Variants in NOS3 observed in about 807,000 individuals in gnomAD.
NOS3 encodes the protein NOS type III.
Under a neutral mutation model 144.9 loss-of-function variants are expected in NOS3, and 98 were observed. That is an observed-to-expected ratio of 0.68 (90% CI 0.57 to 0.80). The LOEUF is 0.80. Ranked by LOEUF, NOS3 falls within the 30% of genes least tolerant of loss-of-function variation. The pLI, the probability that NOS3 is intolerant of heterozygous loss-of-function variation, is 0.00. For synonymous variants in NOS3, 714 were observed against 702.4 expected, an observed-to-expected ratio of 1.02 and a Z score of -0.26; for missense variants, 1,465 against 1,656.4, an observed-to-expected ratio of 0.88 and a Z score of 2.01.
chr7:151,001,805 C>T lies in NOS3; in HGVS notation c.1503-16C>T. ...TCTGTGCACCCAGGACACCCTCACACCTTCCTCTCCCGCAGCGCCGTGAAG... is the reference window on the plus strand; with the variant it reads ...TCTGTGCACCCAGGACACCCTCACATCTTCCTCTCCCGCAGCGCCGTGAAG... On this transcript the variant is annotated splice_polypyrimidine_tract_variant and intron_variant, in intron 12 of 26. Transcript: ENST00000297494. The T allele has an allele frequency of 4.3e-6, 7 of 1,613,556 alleles. No individual in the cohort carries two copies. Among genetic ancestry groups the T allele is most frequent in the African/African-American group, 1.3e-5 (1 of 75,070 alleles).
At chr7:151,011,627 A>C (rs3918205) in intron 23 of NOS3, among the ~76,000 whole-genome samples, 1 of 149,976 alleles carries the variant, frequency 6.7e-6, no homozygotes, top group Non-Finnish European at 1.5e-5. Context: ...AAAAAAAAAA[A>C]ATATTCTCCT....
At chr7:151,005,046 C>T (rs1254779475) in intron 14 of NOS3, among the ~76,000 whole-genome samples, 2 of 152,020 alleles carry the variant, frequency 1.3e-5, no homozygotes, top group African/African-American at 4.8e-5. Flanking sequence ...TTAGTAGAGA[C>T]GCGGTTTCAC....
rs533251778 is a variant in NOS3, at chr7:151,012,380, C to A, written c.3014C>A (p.Pro1005His). The A allele has an allele frequency of 1.3e-6, 2 of 1,587,122 alleles. No individual in the cohort carries two copies. The highest frequency in any genetic ancestry group is 2.3e-5 in the East Asian group (1 of 44,138). Reference protein sequence around the residue: ...GAPSFRLPPDPSLPCILVGPG... With the variant: ...GAPSFRLPPDHSLPCILVGPG... The stretch of plus-strand genomic sequence containing the variant: ...CCCTCCTTCCGGCTGCCACCCGATC[C>A]CAGCTTGCCCTGCATCCTGGTGGGT... Residue 1005 changes from proline (P) to histidine (H), a missense_variant, in exon 24 of 27, where the codon CCC becomes CAC. Physicochemically the swap from Pro to His is moderately conservative, Grantham distance 77 (BLOSUM62 -2). Transcript: ENST00000297494.
In NOS3 at chr7:151,014,040, G is replaced by A. The variant is rs139120796; in HGVS notation, c.3483G>A (p.Gly1161=). The change falls in exon 27 of 27, where the codon GGG becomes GGA. Residue 1161 remains glycine (G), a synonymous_variant. Transcript: ENST00000297494. ...DQQRYHEDIF[G]LTLRTQEVTS... ...AACGCTACCACGAAGACATTTTCGG[G>A]CTCACGCTGCGCACCCAGGAGGTGA... 2.0e-5 allele frequency: 33 copies of A among 1,613,416 alleles called. No homozygotes were observed. The African/African-American group carries it at 4.3e-4, about 21-fold the overall frequency.
chr7:151,001,438 A>G lies in NOS3; in HGVS notation c.1428+13A>G, dbSNP rs1334152833. ...CTTCCGCTACCAGGTGCCCACCCTA[A>G]CTGGCTCTGCCAGCCTGGGCCCAGC... On this transcript the variant is annotated intron_variant, in intron 11 of 26. Transcript: ENST00000297494. The G allele has an allele frequency of 6.3e-7, 1 of 1,586,958 alleles. No homozygotes were observed. Among genetic ancestry groups the G allele is most frequent in the African/African-American group, 1.3e-5 (1 of 74,232 alleles).
At position 151,002,325 on chromosome 7, in the gene NOS3, G is replaced by A. The variant is rs1201906944; in HGVS notation, c.1752+21G>A. ...GAGAGGTGAGAACTTCCAGGAAAGG[G>A]GCTGCTGGGAATGAGGAGAGACTCA... On this transcript the variant is annotated intron_variant, in intron 14 of 26. Coordinates refer to ENST00000297494, the MANE Select transcript of NOS3 (RefSeq NM_000603.5). This position sits in a 1 kb window ranked among gnomAD's most constrained non-coding sequence, Gnocchi z 4.1. 2 of 1,390,638 alleles carry A rather than the reference G, an allele frequency of 1.4e-6. No individual in the cohort carries two copies. Among genetic ancestry groups the A allele is most frequent in the Admixed American group, 3.8e-5 (2 of 52,304 alleles). The allele number at this position is 1,390,638 out of a possible 1,614,324, so 86.1% of individuals were successfully genotyped here.
chr7:151,001,426 G>A lies in NOS3; in HGVS notation c.1428+1G>A. On this transcript the variant is annotated splice_donor_variant, in intron 11 of 26. Transcript: ENST00000297494. LOFTEE classifies it high-confidence loss of function. ...CCTGTCCCCGGCCTTCCGCTACCAG[G>A]TGCCCACCCTAACTGGCTCTGCCAG... 1.3e-6 allele frequency: 2 copies of A among 1,586,368 alleles called. No homozygotes were observed. Among genetic ancestry groups the A allele is most frequent in the African/African-American group, 1.3e-5 (1 of 74,418 alleles).
At chr7:151,013,693 CAG>C in intron 25 of NOS3, 29 bp from the exon 26 acceptor site, 2 of 1,525,690 alleles carry the variant, frequency 1.3e-6, no homozygotes, top group Non-Finnish European at 1.8e-6. Context: ...CCACCCCCAC[CAG>C]GGCCCGCCCT....
intron 17 of NOS3, among the ~76,000 whole-genome samples, chr7:151,008,655 C>G (rs564522740): frequency 3.2e-4 from 49 of 152,308 alleles, no homozygotes; most frequent in African/African-American, 1.2e-3. Context: ...CTACCGTGTG[C>G]CAAGCACTAT....
At chr7:151,004,747 C>T (rs1171469330) in intron 14 of NOS3, among the ~76,000 whole-genome samples, 5 of 152,182 alleles carry the variant, frequency 3.3e-5, no homozygotes, top group South Asian at 2.1e-4. Flanking sequence ...AACTAATCCA[C>T]GGAGTTAGAA....
intron 17 of NOS3, among the ~76,000 whole-genome samples, chr7:151,007,880 G>T (rs1795230586): frequency 6.6e-6 from 1 of 151,848 alleles, no homozygotes; most frequent in South Asian, 2.1e-4. Context: ...GGTCTCCCCA[G>T]TGCCACACTG....
chr7:151,013,851 A>AGC lies in NOS3; in HGVS notation c.3386_3387dup (p.Ile1130AlafsTer41). 6.2e-7 allele frequency: 1 copy of AGC among 1,605,596 alleles called. No individual in the cohort carries two copies. The highest frequency in any genetic ancestry group is 8.5e-7 in the Non-Finnish European group (1 of 1,176,692). On this transcript the variant is annotated frameshift_variant, in exon 26 of 27. Coordinates refer to ENST00000297494, the MANE Select transcript of NOS3 (RefSeq NM_000603.5). LOFTEE classifies it high-confidence loss of function. ...GCAACCAACGTCCTGCAGACCGTGC[A>AGC]GCGCATCCTGGCGACGGAGGGCGAC...
chr7:151,000,397 C>T, intron 9 of NOS3, 101 bp from the exon 10 acceptor site: 1 of 794,130 alleles, frequency 1.3e-6, no homozygotes, highest in Non-Finnish European at 2.2e-6. Context: ...CACCACTCAC[C>T]TCACTCCTTC....
In NOS3 at chr7:151,006,891, G is replaced by A; in HGVS notation, c.1823G>A (p.Ser608Asn). ...TTGTCTTTGTCCTCTCTTGCCAGGA[G>A]TTATAAGATCCGCTTCAACAGCATC... Reference protein sequence around the residue: ...NSSPRPEQHKSYKIRFNSISC... With the variant: ...NSSPRPEQHKNYKIRFNSISC... The change falls in exon 16 of 27, where the codon AGT becomes AAT. Residue 608 changes from serine to asparagine, a missense_variant and splice_region_variant. By Grantham distance (46) the Ser-to-Asn change is conservative. Transcript: ENST00000297494. 2 of 1,613,038 alleles carry A rather than the reference G, an allele frequency of 1.2e-6. No homozygotes were observed. The highest frequency in any genetic ancestry group is 1.7e-6 in the Non-Finnish European group (2 of 1,179,194).
chr7:151,013,639 T>C, intron 25 of NOS3, 85 bp from the exon 26 acceptor site: 4 of 1,320,138 alleles, frequency 3.0e-6, no homozygotes, highest in Non-Finnish European at 4.1e-6. Context: ...CCGGAGACTT[T>C]CACGTCCAGG....
At chr7:151,007,743 T>A (rs1367978229) in intron 17 of NOS3, among the ~76,000 whole-genome samples, 1 of 152,246 alleles carries the variant, frequency 6.6e-6, no homozygotes, top group Non-Finnish European at 1.5e-5. Context: ...ACCGCAGAAC[T>A]GGTCCCGGGC....
intron 14 of NOS3, among the ~76,000 whole-genome samples, 182 bp from the exon 15 acceptor site, chr7:151,006,245 T>C (rs1795204702): frequency 6.6e-6 from 1 of 152,256 alleles, no homozygotes; most frequent in Admixed American, 6.5e-5. Context: ...CTTTGTCTTA[T>C]CACTTTACAC....
chr7:151,004,347 CAAAT>C (rs1388780541), intron 14 of NOS3, among the ~76,000 whole-genome samples: 1 of 152,160 alleles, frequency 6.6e-6, no homozygotes, highest in Non-Finnish European at 1.5e-5. Context: ...AAATAAAATA[CAAAT>C]AAATAAAATA....
intron 20 of NOS3, 83 bp from the exon 21 acceptor site, chr7:151,010,032 C>T: frequency 1.1e-6 from 1 of 883,296 alleles, no homozygotes; most frequent in South Asian, 1.5e-5. Context: ...GGCTCTCTAA[C>T]AGTCACCAAA....
Sources: gnomAD v4.1 joint callset for allele counts (sites outside exome capture counted in the v4.1 genomes callset) on GRCh38, gnomAD v4.1.1 for gene constraint, Gnocchi (gnomAD v3.1) non-coding constraint, MANE v1.5 for transcripts, NCBI Gene and HGNC (gene_info 2026-07-23, HGNC 2026-07-21) for gene names.